The following OSBPL8 variants were observed in gnomAD, a reference collection of about 807,000 sequenced individuals.
OSBPL8 encodes oxysterol-binding protein-related protein 8.
In OSBPL8, 59 loss-of-function variants were observed where a neutral mutation model predicts 125.5. The observed-to-expected ratio is 0.47, with a 90% confidence interval of 0.38 to 0.58. OSBPL8 has a LOEUF of 0.58. OSBPL8 is among the 20% of genes least tolerant of loss of function. The pLI is 0.00. For missense variants in OSBPL8, 758 were observed against 1,047.8 expected, an observed-to-expected ratio of 0.72 and a Z score of 3.82; for synonymous variants, 330 against 338.9, an observed-to-expected ratio of 0.97 and a Z score of 0.29.
At chr12:76,385,166 T>A (rs1953258105) in intron 14 of OSBPL8, among the ~76,000 whole-genome samples, 1 of 152,186 alleles carries the variant, frequency 6.6e-6, no homozygotes, top group Non-Finnish European at 1.5e-5. Context: ...CATTGAGTTT[T>A]AAAAAATTAA....
intron 2 of OSBPL8, among the ~76,000 whole-genome samples, chr12:76,477,833 T>C (rs1232123433): frequency 5.3e-5 from 8 of 151,786 alleles, no homozygotes. Context: ...GTAAACCTAA[T>C]ACTGTTCTAA....
intron 4 of OSBPL8, among the ~76,000 whole-genome samples, chr12:76,414,450 GTTTT>G (rs35085467): frequency 2.5e-5 from 3 of 120,482 alleles, no homozygotes; most frequent in East Asian, 2.2e-4. Context: ...TATTTTTCTG[GTTTT>G]TTTTTTTTTT....
At chr12:76,371,614 A>C in intron 18 of OSBPL8, 30 bp from the exon 19 acceptor site, 1 of 1,511,064 alleles carries the variant, frequency 6.6e-7, no homozygotes, top group Non-Finnish European at 8.9e-7. Context: ...AAATTAATGT[A>C]AAGAATTATA....
At chr12:76,474,680 A>G (rs976793879) in intron 2 of OSBPL8, among the ~76,000 whole-genome samples, 1 of 152,096 alleles carries the variant, frequency 6.6e-6, no homozygotes, top group African/African-American at 2.4e-5. Flanking sequence ...ACAAGGTCTC[A>G]CTATGTTGCC....
chr12:76,356,713 G>T lies in OSBPL8; in HGVS notation c.2450C>A (p.Pro817Gln). The T allele has an allele frequency of 6.2e-7, 1 of 1,604,442 alleles. No homozygotes were observed. The highest frequency in any genetic ancestry group is 8.5e-7 in the Non-Finnish European group (1 of 1,174,344). ...SSGSEAQSVKPSTRRKKGIEL... is the reference protein window; with the variant it reads ...SSGSEAQSVKQSTRRKKGIEL... ...TATTCCTTTCTTTCTTCTTGTACTTGGTTTTACTGATTGAGCTAAAAAGAC... is the reference window on the plus strand; with the variant it reads ...TATTCCTTTCTTTCTTCTTGTACTTTGTTTTACTGATTGAGCTAAAAAGAC... The change falls in exon 23 of 24, where the codon CCA (proline) becomes CAA (glutamine). Residue 817 changes from proline to glutamine, a missense_variant. Pro to Gln is a moderately conservative substitution (Grantham distance 76). This residue lies in a region of OSBPL8 where 572 missense variants were observed against 762.0 expected (regional missense o/e 0.75). Coordinates refer to ENST00000261183, the MANE Select transcript of OSBPL8 (RefSeq NM_020841.5).
At chr12:76,428,754 G>T (rs536035316) in intron 4 of OSBPL8, among the ~76,000 whole-genome samples, 2 of 152,192 alleles carry the variant, frequency 1.3e-5, no homozygotes, top group East Asian at 3.9e-4. Context: ...AAATTCAGCA[G>T]TAAGTTTCCT....
At chr12:76,491,244 C>T (rs868240762) in intron 1 of OSBPL8, among the ~76,000 whole-genome samples, 19 of 152,116 alleles carry the variant, frequency 1.2e-4, no homozygotes, top group Admixed American at 9.2e-4. Flanking sequence ...CGGCAGGGTT[C>T]GAGAGGATTG....
intron 4 of OSBPL8, among the ~76,000 whole-genome samples, chr12:76,443,149 A>G (rs772682459): frequency 1.3e-5 from 2 of 152,230 alleles, no homozygotes; most frequent in Non-Finnish European, 2.9e-5. Context: ...TTTTGTTTTA[A>G]AAGTTTTAAA....
intron 2 of OSBPL8, among the ~76,000 whole-genome samples, chr12:76,470,508 T>C (rs1876005847): frequency 1.3e-5 from 2 of 152,170 alleles, no homozygotes; most frequent in Non-Finnish European, 2.9e-5. Context: ...CAATCTGAAA[T>C]AAAAGCATCT....
chr12:76,524,000 T>C (rs10862058), intron 1 of OSBPL8, among the ~76,000 whole-genome samples: 16,180 of 152,248 alleles, frequency 0.11, 1,300 homozygotes, highest in East Asian at 0.39. Context: ...AAAGAGATTA[T>C]GATACGTTAA....
At chr12:76,536,693 G>A (rs1950508261) in intron 1 of OSBPL8, among the ~76,000 whole-genome samples, 1 of 151,942 alleles carries the variant, frequency 6.6e-6, no homozygotes, top group East Asian at 1.9e-4. Context: ...TGGAAAGGAA[G>A]GAGAGACCTA....
At chr12:76,495,052 G>T (rs1879135294) in intron 1 of OSBPL8, among the ~76,000 whole-genome samples, 1 of 152,184 alleles carries the variant, frequency 6.6e-6, no homozygotes, top group African/African-American at 2.4e-5. Context: ...AGTGTTACCT[G>T]CCTCAACAGA....
chr12:76,516,979 A>C (rs1005982064), intron 1 of OSBPL8, among the ~76,000 whole-genome samples: 10 of 151,954 alleles, frequency 6.6e-5, no homozygotes, highest in African/African-American at 2.4e-4. Context: ...GTGCCCAGCT[A>C]ATTTTTGTAT....
intron 3 of OSBPL8, 48 bp downstream of exon 3, chr12:76,459,811 A>G (rs778279983): frequency 6.2e-7 from 1 of 1,605,132 alleles, no homozygotes; most frequent in Non-Finnish European, 8.5e-7. Context: ...TCACACATCA[A>G]AATATTATCA....
At chr12:76,368,208 G>A (rs1952491539) in intron 21 of OSBPL8, among the ~76,000 whole-genome samples, 1 of 152,096 alleles carries the variant, frequency 6.6e-6, no homozygotes, top group Non-Finnish European at 1.5e-5. Flanking sequence ...ACAAGTTTTT[G>A]CTTCTACCAC....
chr12:76,449,060 C>A (rs1026222839), intron 4 of OSBPL8, among the ~76,000 whole-genome samples: 1 of 152,030 alleles, frequency 6.6e-6, no homozygotes, highest in Non-Finnish European at 1.5e-5. Context: ...TTACTATTTA[C>A]AAGGTAGTAC....
In OSBPL8 at chr12:76,399,977, A is replaced by G; in HGVS notation, c.367-3T>C. 1 of 1,583,912 alleles carries G rather than the reference A, an allele frequency of 6.3e-7. No homozygotes were observed. Among genetic ancestry groups the G allele is most frequent in the Non-Finnish European group, 8.6e-7 (1 of 1,167,842 alleles). Reference sequence around the variant, plus strand: ...TCTCGGTAATTTTTCTTTTGTACCTATTTTATAGAAATAATAGAAAAGATA... The same window carrying G: ...TCTCGGTAATTTTTCTTTTGTACCTGTTTTATAGAAATAATAGAAAAGATA... On this transcript the variant is annotated splice_region_variant and splice_polypyrimidine_tract_variant and intron_variant, in intron 6 of 23. Coordinates refer to ENST00000261183, the MANE Select transcript of OSBPL8 (RefSeq NM_020841.5).
chr12:76,551,831 A>G (rs1950947702), intron 1 of OSBPL8, among the ~76,000 whole-genome samples: 2 of 152,194 alleles, frequency 1.3e-5, no homozygotes, highest in Non-Finnish European at 2.9e-5. Context: ...GCTTATACTT[A>G]AGGCAACACT....
rs147902443 is a variant in OSBPL8, at chr12:76,487,211, A to G, written c.42+299T>C. The stretch of plus-strand genomic sequence containing the variant: ...CACCTGGCTAATTTTTGTATTTTTA[A>G]TAGAGACAGGGTTTCGCCATTGTTG... On this transcript the variant is annotated intron_variant, in intron 2 of 23. Coordinates refer to ENST00000261183, the MANE Select transcript of OSBPL8 (RefSeq NM_020841.5). Among the ~76,000 whole-genome samples, 298 of 151,496 alleles carry G rather than the reference A, an allele frequency of 2.0e-3. 9 individuals are homozygous for G. In the East Asian group the frequency reaches 0.054, roughly 27 times the overall value.
Sources: allele counts gnomAD v4.1 joint callset (sites outside exome capture counted in the v4.1 genomes callset), GRCh38; gene constraint gnomAD v4.1.1; regional missense constraint gnomAD v4.1.1; transcripts MANE v1.5; gene names NCBI Gene and HGNC (gene_info 2026-07-23, HGNC 2026-07-21).